Variants in CFAP299 observed in about 807,000 individuals in gnomAD.
CFAP299 encodes the protein cilia- and flagella-associated protein 299.
A neutral mutation model predicts 27.0 loss-of-function variants in CFAP299; 21 were observed. That is an observed-to-expected ratio of 0.78 (90% CI 0.55 to 1.12). CFAP299 has a LOEUF of 1.12. Ranked by LOEUF, CFAP299 falls within the 50% of genes most tolerant of loss-of-function variation. The pLI is 0.00. For synonymous variants in CFAP299, 104 were observed against 98.1 expected, an observed-to-expected ratio of 1.06 and a Z score of -0.36; for missense variants, 310 against 276.6, an observed-to-expected ratio of 1.12 and a Z score of -0.86.
intron 2 of CFAP299, among the ~76,000 whole-genome samples, chr4:80,465,306 A>G (rs1729648301): frequency 6.6e-6 from 1 of 152,194 alleles, no homozygotes; most frequent in African/African-American, 2.4e-5. Flanking sequence ...AAAACTTCTA[A>G]ACAGAACTAC....
At chr4:80,851,142 T>C (rs1731499272) in intron 3 of CFAP299, among the ~76,000 whole-genome samples, 1 of 152,084 alleles carries the variant, frequency 6.6e-6, no homozygotes, top group Admixed American at 6.6e-5. Flanking sequence ...GATAAACGAT[T>C]TAAAAGCTTC....
At chr4:80,648,281 G>A (rs1218189835) in intron 3 of CFAP299, among the ~76,000 whole-genome samples, 1 of 152,092 alleles carries the variant, frequency 6.6e-6, no homozygotes, top group Non-Finnish European at 1.5e-5. Context: ...CACATTGGAG[G>A]TAATTTGTAT....
intron 3 of CFAP299, among the ~76,000 whole-genome samples, chr4:80,844,593 A>T (rs1343905549): frequency 2.6e-5 from 4 of 151,344 alleles, no homozygotes; most frequent in African/African-American, 9.8e-5. Context: ...CCACTTTTTG[A>T]TGGGGTTGTT....
intron 3 of CFAP299, among the ~76,000 whole-genome samples, chr4:80,840,990 C>T (rs1174369845): frequency 6.6e-6 from 1 of 151,982 alleles, no homozygotes; most frequent in African/African-American, 2.4e-5. Flanking sequence ...AGTTGAGAAT[C>T]CCTCCACTAT....
At chr4:80,856,160 A>T (rs911323177) in intron 3 of CFAP299, among the ~76,000 whole-genome samples, 23 of 151,880 alleles carry the variant, frequency 1.5e-4, no homozygotes, top group Admixed American at 6.5e-5. Flanking sequence ...ATGGCCAGTG[A>T]TGGTGAGCAT....
At chr4:80,618,518 A>C (rs1738411870) in intron 3 of CFAP299, among the ~76,000 whole-genome samples, 1 of 152,136 alleles carries the variant, frequency 6.6e-6, no homozygotes, top group Non-Finnish European at 1.5e-5. Flanking sequence ...TTAGGAAAAA[A>C]ATGAAGGGAT....
At chr4:80,506,867 T>G in intron 2 of CFAP299, among the ~76,000 whole-genome samples, 1 of 152,122 alleles carries the variant, frequency 6.6e-6, no homozygotes, top group East Asian at 1.9e-4. Flanking sequence ...TTATGGAGAT[T>G]CAATATAATA....
At chr4:80,933,540 T>A (rs1033788528) in intron 4 of CFAP299, among the ~76,000 whole-genome samples, 3 of 152,140 alleles carry the variant, frequency 2.0e-5, no homozygotes, top group African/African-American at 4.8e-5. Flanking sequence ...AATATAGACA[T>A]TTTTAAATAT....
chr4:80,638,275 G>C (rs1739556613), intron 3 of CFAP299, among the ~76,000 whole-genome samples: 1 of 152,144 alleles, frequency 6.6e-6, no homozygotes, highest in Admixed American at 6.5e-5. Context: ...ATGGGGTGTG[G>C]AAGGGAGCTA....
At chr4:80,579,864 A>G (rs1736079270) in intron 2 of CFAP299, among the ~76,000 whole-genome samples, 1 of 152,124 alleles carries the variant, frequency 6.6e-6, no homozygotes, top group African/African-American at 2.4e-5. Flanking sequence ...GGCAAAACTG[A>G]TGTGATCATT....
At chr4:80,418,124 TAGAA>T (rs1401685057) in intron 2 of CFAP299, among the ~76,000 whole-genome samples, 19 of 152,166 alleles carry the variant, frequency 1.2e-4, no homozygotes, top group African/African-American at 4.6e-4. Context: ...GAAAGCCAAT[TAGAA>T]AGAGATTCTG....
At chr4:80,369,980 T>C (rs1369621127) in intron 2 of CFAP299, among the ~76,000 whole-genome samples, 1 of 152,146 alleles carries the variant, frequency 6.6e-6, no homozygotes, top group Non-Finnish European at 1.5e-5. Flanking sequence ...TAAAGAAATA[T>C]CTGAGACTGG....
chr4:80,457,194 T>C (rs970103457), intron 2 of CFAP299, among the ~76,000 whole-genome samples: 2 of 152,126 alleles, frequency 1.3e-5, no homozygotes, highest in Non-Finnish European at 2.9e-5. Context: ...GGACAAGAAT[T>C]ACAACAATTG....
At chr4:80,948,727 A>G (rs116389167) in intron 5 of CFAP299, among the ~76,000 whole-genome samples, 5,006 of 152,046 alleles carry the variant, frequency 0.033, 204 homozygotes, top group African/African-American at 0.1. Context: ...CTCACTTCCC[A>G]TTTCTGAGAG....
At chr4:80,551,008 T>C (rs1417464583) in intron 2 of CFAP299, among the ~76,000 whole-genome samples, 5 of 152,282 alleles carry the variant, frequency 3.3e-5, no homozygotes, top group Middle Eastern at 3.4e-3. Flanking sequence ...ACATGGGCCA[T>C]GCTGCTGGTA....
intron 3 of CFAP299, among the ~76,000 whole-genome samples, chr4:80,613,876 A>T (rs1332379205): frequency 6.6e-6 from 1 of 152,212 alleles, no homozygotes; most frequent in Admixed American, 6.5e-5. Flanking sequence ...GACAAAAATG[A>T]TGGAGAAAAC....
At chr4:80,913,304 C>T (rs377170919) in intron 4 of CFAP299, among the ~76,000 whole-genome samples, 4 of 152,278 alleles carry the variant, frequency 2.6e-5, no homozygotes, top group African/African-American at 9.6e-5. Context: ...AAAATACTAG[C>T]ACTTCAAGTC....
Position 80,469,582 on chromosome 4 carries a change from G to T in CFAP299, c.242+106698G>T, listed in dbSNP as rs577510400. On this transcript the variant is annotated intron_variant, in intron 2 of 5. Transcript: ENST00000358105. ...AATATATAGAAGGATGCCAGGTTGG[G>T]ATACTAGCAAAGGTCCTCATTTAAT... Among the ~76,000 whole-genome samples the T allele has an allele frequency of 5.1e-3, 771 of 152,210 alleles. 4 individuals carry two copies. Among genetic ancestry groups the T allele is most frequent in the Middle Eastern group, 0.017 (5 of 294 alleles).
At chr4:80,324,725 C>A in the CFAP299 span, among the ~76,000 whole-genome samples, 2 of 152,122 alleles carry the variant, frequency 1.3e-5, no homozygotes, top group African/African-American at 4.8e-5. Flanking sequence ...AATCAACAAT[C>A]TTTTTTAACA....
Sources: allele counts gnomAD v4.1 joint callset (sites outside exome capture counted in the v4.1 genomes callset), GRCh38; gene constraint gnomAD v4.1.1; transcripts MANE v1.5; gene names NCBI Gene and HGNC (gene_info 2026-07-23, HGNC 2026-07-21).